Variants in ZNF66 observed in about 807,000 individuals in gnomAD.
ZNF66 encodes zinc finger protein 66.
Under a neutral mutation model 35.2 loss-of-function variants are expected in ZNF66, and 32 were observed. That is an observed-to-expected ratio of 0.91 (90% confidence interval 0.69 to 1.22). The LOEUF (loss-of-function observed/expected upper bound fraction) is 1.22, where lower values mean the gene tolerates loss of function less well. Ranked by LOEUF, ZNF66 falls within the 50% of genes most tolerant of loss-of-function variation. The pLI, the probability that ZNF66 is intolerant of heterozygous loss-of-function variation, is 0.00. For missense variants in ZNF66, 666 were observed against 543.1 expected (o/e 1.23, Z -2.25); for synonymous variants, 231 against 181.3 (o/e 1.27, Z -2.20).
At chr19:20,782,382 A>G (rs1174025560) in intron 1 of ZNF66, among the ~76,000 whole-genome samples, 1 of 152,184 alleles carries the variant, frequency 6.6e-6, no homozygotes, top group Non-Finnish European at 1.5e-5. Flanking sequence ...TTCCTTGGGT[A>G]TATACCCAAT....
chr19:20,780,770 C>T (rs1420176359), intron 1 of ZNF66, among the ~76,000 whole-genome samples: 1 of 152,192 alleles, frequency 6.6e-6, no homozygotes, highest in African/African-American at 2.4e-5. Context: ...CAGGCTGTCA[C>T]ACTGCCCATT....
intron 3 of ZNF66, among the ~76,000 whole-genome samples, chr19:20,803,101 CT>C (rs895602974): frequency 6.6e-6 from 1 of 151,690 alleles, no homozygotes. Context: ...CACTTTCAGT[CT>C]TTTTTTATCA....
chr19:20,777,084 CA>C (rs35730093), intron 1 of ZNF66, among the ~76,000 whole-genome samples: 13,811 of 145,414 alleles, frequency 0.095, 764 homozygotes, highest in Non-Finnish European at 0.12. Context: ...CACTGCACTC[CA>C]GCCTGGGCGA....
chr19:20,807,791 AGATGGGT>A lies in ZNF66; in HGVS notation c.*473_*479del, dbSNP rs1179188964. 6.6e-6 allele frequency among the ~76,000 whole-genome samples: 1 copy of A among 152,160 alleles called. No homozygotes were observed. The highest frequency in any genetic ancestry group is 2.4e-5 in the African/African-American group (1 of 41,432). ...CAGCTCCCAGCCTGAGCGACGCAGA[AGATGGGT>A]GATTTCTGCATTTCCGTCTGATGTA... On this transcript the variant is annotated 3_prime_UTR_variant, in exon 4 of 4. Coordinates refer to ENST00000344519, the MANE Select transcript of ZNF66 (RefSeq NM_001355197.2).
Position 20,807,395 on chromosome 19 carries a change from GA to G in ZNF66, c.*76del. Reference sequence around the variant, plus strand: ...AACCCTATGAGTTTGATGAATGTGGGAAAGACTTTAACCAGCTATCAACTTT... The same window carrying G: ...AACCCTATGAGTTTGATGAATGTGGGAAGACTTTAACCAGCTATCAACTTT... On this transcript the variant is annotated 3_prime_UTR_variant, in exon 4 of 4. Transcript: ENST00000344519. 1 of 562,460 alleles carries G rather than the reference GA, an allele frequency of 1.8e-6. No homozygotes were observed. 34.8% of individuals were successfully genotyped at this position (562,460 alleles called of 1,614,324 possible).
At chr19:20,789,818 G>C (rs1458258798) in intron 1 of ZNF66, among the ~76,000 whole-genome samples, 3 of 152,210 alleles carry the variant, frequency 2.0e-5, no homozygotes, top group Non-Finnish European at 4.4e-5. Flanking sequence ...CCAGCACAGT[G>C]CTCTGTATCA....
chr19:20,797,672 T>C (rs1971408745), intron 3 of ZNF66, among the ~76,000 whole-genome samples: 1 of 152,012 alleles, frequency 6.6e-6, no homozygotes, highest in Non-Finnish European at 1.5e-5. Context: ...CAAGTGATTC[T>C]TCTGCCTTGA....
intron 1 of ZNF66, among the ~76,000 whole-genome samples, chr19:20,783,162 G>A (rs576386857): frequency 6.6e-6 from 1 of 152,068 alleles, no homozygotes; most frequent in African/African-American, 2.4e-5. Flanking sequence ...GTTATAGGAG[G>A]GTGGCATTAT....
Position 20,805,962 on chromosome 19 carries a change from A to G in ZNF66, c.362A>G (p.Asp121Gly), listed in dbSNP as rs766021911. 4 of 722,538 alleles carry G rather than the reference A, an allele frequency of 5.5e-6. No homozygotes were observed. The highest frequency in any genetic ancestry group is 9.8e-6 in the Non-Finnish European group (4 of 408,658). The allele number at this position is 722,538 out of a possible 1,614,324, so 44.8% of individuals were successfully genotyped here. A position where few individuals can be genotyped will look rare whatever the true frequency, so the allele number is the denominator to read the frequency against. Reference protein sequence around the residue: ...LQLKKGCESVDKCKVHKRGYN... With the variant: ...LQLKKGCESVGKCKVHKRGYN... ...TTAAAAAAAGGCTGTGAAAGTGTGG[A>G]TAAGTGTAAAGTGCACAAAAGAGGT... is the stretch of plus-strand genomic sequence containing the variant. The change falls in exon 4 of 4, where the codon GAT (aspartate) becomes GGT (glycine). Residue 121 changes from aspartate to glycine, a missense_variant. Asp to Gly is a moderately conservative substitution (Grantham distance 94). Transcript: ENST00000344519.
chr19:20,806,401 G>A lies in ZNF66; in HGVS notation c.801G>A (p.Lys267=), dbSNP rs781612767. 14 of 1,565,876 alleles carry A rather than the reference G, an allele frequency of 8.9e-6. No individual in the cohort carries two copies. The highest frequency in any genetic ancestry group is 1.1e-5 in the Non-Finnish European group (13 of 1,138,216). ...GTGAAGAATGTGGCAAGGCCTTTAA[G>A]CGCTCCTCTATCCTTACTACACATA... ...YKCEECGKAF[K]RSSILTTHKR... is the part of the protein sequence containing the mutation. The change falls in exon 4 of 4, where the codon AAG becomes AAA. Residue 267 remains lysine, a synonymous_variant. Coordinates refer to ENST00000344519, the MANE Select transcript of ZNF66 (RefSeq NM_001355197.2).
chr19:20,797,660 C>T (rs930380481), intron 3 of ZNF66, among the ~76,000 whole-genome samples: 4 of 151,346 alleles, frequency 2.6e-5, no homozygotes, highest in Admixed American at 2.6e-4. Flanking sequence ...TCCTCGAGGG[C>T]TCAAGTGATT....
chr19:20,802,873 C>CAA (rs1971462752), intron 3 of ZNF66, among the ~76,000 whole-genome samples: 1 of 152,102 alleles, frequency 6.6e-6, no homozygotes, highest in Non-Finnish European at 1.5e-5. Context: ...CACACACATG[C>CAA]AAATACATAC....
intron 1 of ZNF66, among the ~76,000 whole-genome samples, chr19:20,776,829 A>G (rs1468340224): frequency 1.3e-5 from 2 of 151,946 alleles, no homozygotes; most frequent in African/African-American, 2.4e-5. Context: ...TTAAAATTGT[A>G]TGGGGCCGGG....
At chr19:20,804,640 T>C (rs1181873691) in intron 3 of ZNF66, among the ~76,000 whole-genome samples, 1 of 152,200 alleles carries the variant, frequency 6.6e-6, no homozygotes, top group East Asian at 1.9e-4. Flanking sequence ...GTTGCTCTAA[T>C]ATTTTGTATT....
intron 3 of ZNF66, among the ~76,000 whole-genome samples, chr19:20,803,591 A>G (rs944653275): frequency 2.0e-5 from 3 of 152,042 alleles, no homozygotes; most frequent in African/African-American, 4.8e-5. Context: ...TATCTTTTAA[A>G]TTTTAGAGAA....
At chr19:20,795,797 AT>A (rs1971386668) in intron 3 of ZNF66, among the ~76,000 whole-genome samples, 1 of 152,086 alleles carries the variant, frequency 6.6e-6, no homozygotes, top group Admixed American at 6.6e-5. Flanking sequence ...ATTGTTGTAA[AT>A]GGGTGCCTTC....
At chr19:20,777,884 T>C (rs1054434118) in intron 1 of ZNF66, among the ~76,000 whole-genome samples, 2 of 152,106 alleles carry the variant, frequency 1.3e-5, no homozygotes, top group Non-Finnish European at 2.9e-5. Flanking sequence ...CTCTTCCATT[T>C]TGGCTGTAGA....
At position 20,792,618 on chromosome 19, in the gene ZNF66, A is replaced by G; in HGVS notation, c.110A>G (p.Tyr37Cys). 6.9e-7 allele frequency: 1 copy of G among 1,450,218 alleles called. No homozygotes were observed. Among genetic ancestry groups the G allele is most frequent in the African/African-American group, 1.4e-5 (1 of 70,744 alleles). The allele number at this position is 1,450,218 out of a possible 1,614,324, so 89.8% of individuals were successfully genotyped here. ...NLYRDVMLENYRNLVFLGIVV... is the reference protein window; with the variant it reads ...NLYRDVMLENCRNLVFLGIVV... ...TATAGGGATGTGATGTTAGAGAACT[A>G]CAGAAACCTGGTCTTTCTTGGTGAG... Residue 37 changes from tyrosine (Y) to cysteine (C), a missense_variant, in exon 2 of 4, where the codon TAC becomes TGC. Coordinates refer to ENST00000344519, the MANE Select transcript of ZNF66 (RefSeq NM_001355197.2).
intron 1 of ZNF66, among the ~76,000 whole-genome samples, chr19:20,789,328 A>T (rs2144899067): frequency 6.6e-6 from 1 of 152,266 alleles, no homozygotes; most frequent in East Asian, 1.9e-4. Flanking sequence ...TATACCTTGG[A>T]GTCTTTCCTC....
Sources: gnomAD v4.1 joint callset for allele counts (sites outside exome capture counted in the v4.1 genomes callset) on GRCh38, gnomAD v4.1.1 for gene constraint, MANE v1.5 for transcripts, NCBI Gene and HGNC (gene_info 2026-07-23, HGNC 2026-07-21) for gene names.